Variants in GALNT14 observed in about 807,000 individuals in gnomAD.
GALNT14 encodes UDP-GalNAc:polypeptide N-acetylgalactosaminyltransferase 14.
In GALNT14, 60 loss-of-function variants were observed where a neutral mutation model predicts 77.5. That is an observed-to-expected ratio of 0.77 (90% CI 0.63 to 0.96). The LOEUF (loss-of-function observed/expected upper bound fraction) is 0.96, where lower values mean the gene tolerates loss of function less well. Ranked by LOEUF, GALNT14 falls within the 40% of genes least tolerant of loss-of-function variation. GALNT14 has a pLI of 0.00. For synonymous variants in GALNT14, 280 were observed against 281.7 expected (o/e 0.99, Z 0.06); for missense variants, 710 against 731.0 (o/e 0.97, Z 0.33).
At chr2:31,056,384 G>C (rs928414208) in intron 1 of GALNT14, among the ~76,000 whole-genome samples, 2 of 152,218 alleles carry the variant, frequency 1.3e-5, no homozygotes, top group African/African-American at 4.8e-5. Context: ...ATTTAGATCA[G>C]TAAATCCAGA....
intron 6 of GALNT14, among the ~76,000 whole-genome samples, chr2:30,947,161 C>G (rs749748533): frequency 1.3e-5 from 2 of 152,096 alleles, no homozygotes; most frequent in Non-Finnish European, 2.9e-5. Flanking sequence ...CTCCTAAACC[C>G]GACCCCACTC....
chr2:31,099,617 A>C (rs566390337), intron 1 of GALNT14, among the ~76,000 whole-genome samples: 196 of 152,190 alleles, frequency 1.3e-3, no homozygotes, highest in African/African-American at 4.6e-3. Flanking sequence ...TTTCACCCAC[A>C]GGGCTACCAG....
intron 9 of GALNT14, among the ~76,000 whole-genome samples, chr2:30,941,073 T>A (rs889879385): frequency 7.2e-5 from 11 of 152,264 alleles, no homozygotes; most frequent in Admixed American, 3.9e-4. Flanking sequence ...GAGAAAACAA[T>A]GGCAGCAGAC....
intron 12 of GALNT14, 61 bp downstream of exon 12, chr2:30,924,679 C>A (rs1202950015): frequency 5.5e-6 from 8 of 1,453,318 alleles, no homozygotes; most frequent in Non-Finnish European, 7.7e-6. Flanking sequence ...CTTCTCCAGA[C>A]CAAGCCAGCT....
intron 6 of GALNT14, among the ~76,000 whole-genome samples, chr2:30,948,476 A>G (rs887983733): frequency 5.9e-5 from 9 of 152,254 alleles, no homozygotes; most frequent in African/African-American, 2.2e-4. Flanking sequence ...CTGAAAAGGC[A>G]TGGAGACCAT....
At chr2:31,032,718 T>C (rs1300306757) in intron 1 of GALNT14, among the ~76,000 whole-genome samples, 2 of 152,158 alleles carry the variant, frequency 1.3e-5, no homozygotes, top group Non-Finnish European at 2.9e-5. Flanking sequence ...CACAACTCCA[T>C]AGCATTGCTG....
intron 1 of GALNT14, among the ~76,000 whole-genome samples, chr2:31,133,101 C>T (rs1679064823): frequency 6.6e-6 from 1 of 151,420 alleles, no homozygotes; most frequent in African/African-American, 2.5e-5. Flanking sequence ...CCCCTACCCG[C>T]CAGATTATCC....
At chr2:30,968,210 G>C (rs141744637) in intron 2 of GALNT14, among the ~76,000 whole-genome samples, 1 of 152,314 alleles carries the variant, frequency 6.6e-6, no homozygotes, top group African/African-American at 2.4e-5. Context: ...GTTGTCCATT[G>C]ATAGAGAAAG....
At chr2:31,110,927 C>CTCTA (rs1677801471) in intron 1 of GALNT14, among the ~76,000 whole-genome samples, 1 of 152,146 alleles carries the variant, frequency 6.6e-6, no homozygotes, top group Non-Finnish European at 1.5e-5. Context: ...GGAACTTGAA[C>CTCTA]TCTAACTCCA....
chr2:30,959,779 A>C (rs531643637), intron 3 of GALNT14, among the ~76,000 whole-genome samples: 92 of 152,218 alleles, frequency 6.0e-4, no homozygotes, highest in Non-Finnish European at 1.1e-3. Flanking sequence ...GGCAAGGTTA[A>C]CTCTGTGTCT....
chr2:31,124,201 G>A (rs1318635034), intron 1 of GALNT14, among the ~76,000 whole-genome samples: 1 of 152,184 alleles, frequency 6.6e-6, no homozygotes, highest in Non-Finnish European at 1.5e-5. Context: ...CCTCCAAGGA[G>A]TTCACCCATC....
chr2:30,999,098 G>A (rs558489903), intron 1 of GALNT14, among the ~76,000 whole-genome samples: 117 of 152,276 alleles, frequency 7.7e-4, no homozygotes, highest in Non-Finnish European at 1.4e-3. Flanking sequence ...CCAGGTTAAC[G>A]TAGAAGAAGG....
At chr2:31,122,231 A>G (rs1558582911) in intron 1 of GALNT14, among the ~76,000 whole-genome samples, 1 of 152,162 alleles carries the variant, frequency 6.6e-6, no homozygotes, top group Non-Finnish European at 1.5e-5. Context: ...AGCCCGGGAT[A>G]AGCAGAACGT....
intron 1 of GALNT14, among the ~76,000 whole-genome samples, chr2:31,128,143 C>T (rs1272562051): frequency 6.6e-6 from 1 of 152,108 alleles, no homozygotes; most frequent in Non-Finnish European, 1.5e-5. Flanking sequence ...TAAGTTTAAC[C>T]ACATATGTGG....
chr2:31,074,830 G>A (rs771916019), intron 1 of GALNT14, among the ~76,000 whole-genome samples: 1 of 152,092 alleles, frequency 6.6e-6, no homozygotes, highest in Non-Finnish European at 1.5e-5. Context: ...TGACTCTCTT[G>A]ACTCAGACTG....
At chr2:30,953,282 C>T (rs1015686032) in intron 6 of GALNT14, among the ~76,000 whole-genome samples, 2 of 147,130 alleles carry the variant, frequency 1.4e-5, no homozygotes, top group Non-Finnish European at 3.0e-5. Context: ...TTCCATATTT[C>T]TTCCTCACAA....
chr2:31,070,223 T>C (rs2148561084), intron 1 of GALNT14, among the ~76,000 whole-genome samples: 1 of 152,302 alleles, frequency 6.6e-6, no homozygotes. Flanking sequence ...ATTCACAAAG[T>C]GCCTTCCTAA....
chr2:30,997,117 G>A (rs950958729), intron 1 of GALNT14, among the ~76,000 whole-genome samples: 8 of 152,126 alleles, frequency 5.3e-5, no homozygotes, highest in East Asian at 1.9e-4. Flanking sequence ...CAAGGTCATC[G>A]GCTGTTAAGT....
intron 6 of GALNT14, among the ~76,000 whole-genome samples, chr2:30,953,227 G>A (rs1325463168): frequency 6.6e-6 from 1 of 152,046 alleles, no homozygotes; most frequent in Non-Finnish European, 1.5e-5. Flanking sequence ...TCCTGCTGCG[G>A]AGTAGAGTTC....
Sources: allele counts gnomAD v4.1 joint callset (sites outside exome capture counted in the v4.1 genomes callset), GRCh38; gene constraint gnomAD v4.1.1; transcripts MANE v1.5; gene names NCBI Gene and HGNC (gene_info 2026-07-23, HGNC 2026-07-21).